Variants in VPS8 observed in about 807,000 individuals in gnomAD.
The protein encoded by VPS8 is VPS8 subunit of CORVET complex.
VPS8 carries 129 observed loss-of-function variants against 216.4 expected under a neutral mutation model. The observed-to-expected ratio is 0.60, with a 90% CI of 0.52 to 0.69. The LOEUF is 0.69. VPS8 is among the 30% of genes least tolerant of loss of function. The probability of loss-of-function intolerance (pLI) is 0.00; values close to 1 mark genes in which losing one functional copy is unlikely to be tolerated. For missense variants in VPS8, 1,531 were observed against 1,683.5 expected (o/e 0.91, Z 1.59); for synonymous variants, 571 against 565.4 (o/e 1.01, Z -0.14).
At chr3:185,018,310 G>A (rs1053579443) in intron 45 of VPS8, among the ~76,000 whole-genome samples, 4 of 152,156 alleles carry the variant, frequency 2.6e-5, no homozygotes, top group African/African-American at 7.2e-5. Flanking sequence ...ATCTGCATAC[G>A]GTTCTTTCAG....
At chr3:185,042,461 T>G (rs887110229) in intron 46 of VPS8, among the ~76,000 whole-genome samples, 1 of 152,218 alleles carries the variant, frequency 6.6e-6, no homozygotes, top group African/African-American at 2.4e-5. Flanking sequence ...AGACTCCAGG[T>G]TTGCACAGGA....
chr3:184,977,745 T>TG (rs1491091504), intron 40 of VPS8, among the ~76,000 whole-genome samples: 1 of 99,902 alleles, frequency 1.0e-5, no homozygotes, highest in African/African-American at 3.4e-5. Flanking sequence ...TTTTTTTTTT[T>TG]GTCAACTTTT....
intron 11 of VPS8, 58 bp downstream of exon 11, chr3:184,852,625 T>C: frequency 3.3e-6 from 5 of 1,529,422 alleles, no homozygotes; most frequent in Non-Finnish European, 4.5e-6. Flanking sequence ...TTTTAATGAT[T>C]TGAAATTGAA....
chr3:184,869,789 C>T (rs907685772), intron 20 of VPS8, among the ~76,000 whole-genome samples: 1 of 151,938 alleles, frequency 6.6e-6, no homozygotes, highest in African/African-American at 2.4e-5. Flanking sequence ...ACTTGGGAGG[C>T]GAGGCCAGAG....
chr3:184,854,022 T>C lies in VPS8; in HGVS notation c.975+12T>C. ...CATCCTTGACAAAAGTAAGTGTATT[T>C]AGAAGTTAAAACTCAGAACTTTTAG... On this transcript the variant is annotated intron_variant, in intron 12 of 47. Coordinates refer to ENST00000625842, the MANE Select transcript of VPS8 (RefSeq NM_001009921.3). 1.2e-6 allele frequency: 2 copies of C among 1,613,442 alleles called. No homozygotes were observed. Among genetic ancestry groups the C allele is most frequent in the Non-Finnish European group, 1.7e-6 (2 of 1,179,594 alleles).
intron 26 of VPS8, among the ~76,000 whole-genome samples, chr3:184,914,740 C>A (rs1219666778): frequency 6.6e-6 from 1 of 152,144 alleles, no homozygotes; most frequent in Non-Finnish European, 1.5e-5. Flanking sequence ...TCTTAGGAAA[C>A]ATACGAAGAA....
At chr3:184,960,334 G>A (rs1452725331) in intron 37 of VPS8, among the ~76,000 whole-genome samples, 1 of 152,066 alleles carries the variant, frequency 6.6e-6, no homozygotes, top group African/African-American at 2.4e-5. Flanking sequence ...TTTAGAATTT[G>A]CAAGGAGATT....
At chr3:184,832,385 A>G (rs1425537803) in intron 3 of VPS8, among the ~76,000 whole-genome samples, 1 of 152,212 alleles carries the variant, frequency 6.6e-6, no homozygotes, top group Non-Finnish European at 1.5e-5. Context: ...TTAACTGCTA[A>G]ATCATCTGTA....
At chr3:184,852,367 C>T (rs1220032131) in intron 10 of VPS8, 133 bp from the exon 11 acceptor site, 1 of 675,060 alleles carries the variant, frequency 1.5e-6, no homozygotes. Flanking sequence ...GTGATGAGCA[C>T]TGAATCTAGT....
chr3:184,968,254 T>C (rs982935931), intron 39 of VPS8, among the ~76,000 whole-genome samples: 1 of 152,230 alleles, frequency 6.6e-6, no homozygotes, highest in Non-Finnish European at 1.5e-5. Context: ...ATTGTATGTA[T>C]AGACCACATT....
In VPS8 at chr3:184,999,579, G is replaced by C. The variant is rs190237481; in HGVS notation, c.3837-117G>C. ...CCTTTCTTGTTTCTTACCCTGTACAGCCATCAGTGCATTTCTACTTGTTAG... is the reference window on the plus strand; with the variant it reads ...CCTTTCTTGTTTCTTACCCTGTACACCCATCAGTGCATTTCTACTTGTTAG... On this transcript the variant is annotated intron_variant, in intron 44 of 47. Coordinates refer to ENST00000625842, the MANE Select transcript of VPS8 (RefSeq NM_001009921.3). The C allele has an allele frequency of 1.5e-5, 18 of 1,228,590 alleles. No individual in the cohort carries two copies. The Admixed American group carries it at 3.9e-4, about 27-fold the overall frequency. The allele number at this position is 1,228,590 out of a possible 1,614,324, so 76.1% of individuals were successfully genotyped here.
intron 30 of VPS8, among the ~76,000 whole-genome samples, chr3:184,925,754 T>C (rs1283588350): frequency 2.0e-5 from 3 of 151,698 alleles, no homozygotes; most frequent in Non-Finnish European, 2.9e-5. Flanking sequence ...CTTATAGTTA[T>C]GTTTCTTTTC....
chr3:184,961,284 T>A (rs1746458646), intron 37 of VPS8, among the ~76,000 whole-genome samples: 1 of 152,232 alleles, frequency 6.6e-6, no homozygotes, highest in African/African-American at 2.4e-5. Context: ...ATTTTTCAGC[T>A]GTCATGTATC....
chr3:184,933,397 T>C (rs1283129125), intron 34 of VPS8, among the ~76,000 whole-genome samples: 1 of 152,232 alleles, frequency 6.6e-6, no homozygotes, highest in Non-Finnish European at 1.5e-5. Flanking sequence ...CCCACTTTTC[T>C]GTTTGAAATG....
chr3:184,941,906 T>TTA (rs1553878884), intron 36 of VPS8, among the ~76,000 whole-genome samples: 16 of 147,118 alleles, frequency 1.1e-4, no homozygotes, highest in African/African-American at 4.0e-4. Flanking sequence ...TTTTTTTATT[T>TTA]AAAAAAAAAA....
intron 23 of VPS8, among the ~76,000 whole-genome samples, chr3:184,895,607 TCCTCCTCCCCCCCTCCTCCTCCCCCCCCC>T (rs1733262345): frequency 1.3e-4 from 1 of 7,670 alleles, no homozygotes; most frequent in Non-Finnish European, 2.7e-4. Context: ...CCTCCCCCCC[TCCTCCTCCCCCCCTCCTCCTCCCCCCCCC>T]CCCACTCTCT....
chr3:185,021,331 TC>T (rs1438674908), intron 45 of VPS8, among the ~76,000 whole-genome samples: 13 of 152,168 alleles, frequency 8.5e-5, no homozygotes. Flanking sequence ...ATAAGGCCTT[TC>T]ATGAGGGATG....
intron 45 of VPS8, among the ~76,000 whole-genome samples, chr3:185,005,588 A>G (rs12696540): frequency 0.72 from 109,191 of 151,156 alleles, 42,410 homozygotes; most frequent in East Asian, 0.85. Context: ...AGGTCTTTCA[A>G]CTCCTTGGTT....
At chr3:184,912,302 A>G (rs987174595) in intron 25 of VPS8, among the ~76,000 whole-genome samples, 8 of 152,096 alleles carry the variant, frequency 5.3e-5, no homozygotes, top group Non-Finnish European at 1.5e-5. Flanking sequence ...TCAAATATGC[A>G]TTTGTCTTGG....
Sources: allele counts gnomAD v4.1 joint callset (sites outside exome capture counted in the v4.1 genomes callset), GRCh38; gene constraint gnomAD v4.1.1; transcripts MANE v1.5; gene names NCBI Gene and HGNC (gene_info 2026-07-23, HGNC 2026-07-21).